Variants in CADM2 observed in about 807,000 individuals in gnomAD.
The protein encoded by CADM2 is cell adhesion molecule 2.
CADM2 carries 12 observed loss-of-function variants against 49.8 expected under a neutral mutation model. That is an observed-to-expected ratio of 0.24 (90% CI 0.15 to 0.39). The LOEUF (loss-of-function observed/expected upper bound fraction) is 0.39, where lower values mean the gene tolerates loss of function less well. Ranked by LOEUF, CADM2 falls within the 10% of genes least tolerant of loss-of-function variation. The probability of loss-of-function intolerance (pLI) is 1.00; values close to 1 mark genes in which losing one functional copy is unlikely to be tolerated. For synonymous variants in CADM2, 214 were observed against 175.4 expected (o/e 1.22, Z -1.74); for missense variants, 378 against 492.3 (o/e 0.77, Z 2.20).
intron 1 of CADM2, among the ~76,000 whole-genome samples, chr3:85,153,173 C>G (rs2039986093): frequency 6.6e-6 from 1 of 152,088 alleles, no homozygotes. Flanking sequence ...ATCAGAGGTA[C>G]CGGGTTCATC....
chr3:85,933,988 C>T (rs56760958), intron 6 of CADM2, among the ~76,000 whole-genome samples: 47,274 of 151,856 alleles, frequency 0.31, 8,594 homozygotes, highest in East Asian at 0.42. Flanking sequence ...AAAACATCCT[C>T]GCATTAACAC....
chr3:85,130,399 T>A (rs551139978), intron 1 of CADM2, among the ~76,000 whole-genome samples: 1 of 152,342 alleles, frequency 6.6e-6, no homozygotes, highest in East Asian at 1.9e-4. Context: ...ATGAATTGCC[T>A]AAGTCCAGGA....
chr3:86,043,761 T>C (rs6784724), intron 8 of CADM2, among the ~76,000 whole-genome samples: 30,411 of 152,122 alleles, frequency 0.2, 3,216 homozygotes, highest in East Asian at 0.27. Context: ...AAGTCAATCC[T>C]AAGCCAAAAG....
chr3:85,218,732 G>T (rs1387953291), intron 1 of CADM2, among the ~76,000 whole-genome samples: 1 of 152,132 alleles, frequency 6.6e-6, no homozygotes, highest in African/African-American at 2.4e-5. Context: ...GGAGGCAGAG[G>T]TTGCAGTGAG....
At chr3:85,152,123 G>C (rs1374348110) in intron 1 of CADM2, among the ~76,000 whole-genome samples, 1 of 151,934 alleles carries the variant, frequency 6.6e-6, no homozygotes, top group Non-Finnish European at 1.5e-5. Flanking sequence ...AGACTACCCA[G>C]GGACCATTTT....
chr3:84,998,659 A>G (rs1464370036), intron 1 of CADM2, among the ~76,000 whole-genome samples: 2 of 152,082 alleles, frequency 1.3e-5, no homozygotes, highest in Non-Finnish European at 2.9e-5. Flanking sequence ...ATTGTTCTGG[A>G]ACTCTGGATT....
At chr3:85,769,334 C>CACGTATAT (rs1392136874) in intron 2 of CADM2, among the ~76,000 whole-genome samples, 1 of 110,542 alleles carries the variant, frequency 9.0e-6, no homozygotes, top group Non-Finnish European at 1.6e-5. Context: ...AGTATATATA[C>CACGTATAT]ACGTATATAC....
intron 8 of CADM2, among the ~76,000 whole-genome samples, chr3:86,040,412 A>T (rs1424362971): frequency 2.6e-5 from 4 of 152,234 alleles, no homozygotes; most frequent in Non-Finnish European, 5.9e-5. Context: ...CTGAAAACCA[A>T]GGTATGAGAA....
chr3:85,750,460 T>C (rs772813461), intron 2 of CADM2, among the ~76,000 whole-genome samples: 25 of 152,124 alleles, frequency 1.6e-4, no homozygotes, highest in Non-Finnish European at 3.1e-4. Context: ...TTGTTCCTTG[T>C]CATATTGGAA....
intron 4 of CADM2, 145 bp from the exon 5 acceptor site, chr3:85,886,045 A>G: frequency 8.5e-7 from 1 of 1,175,370 alleles, no homozygotes; most frequent in Non-Finnish European, 1.2e-6. Flanking sequence ...CATATGAAGC[A>G]GTTTATTACA....
At chr3:85,782,655 C>CAA (rs1195824594) in intron 2 of CADM2, among the ~76,000 whole-genome samples, 1 of 89,606 alleles carries the variant, frequency 1.1e-5, no homozygotes, top group African/African-American at 4.1e-5. Flanking sequence ...GACTCAGTCT[C>CAA]AAAAAAAAAA....
At position 85,162,562 on chromosome 3, in the gene CADM2, C is replaced by G. The variant is rs1193594329; in HGVS notation, c.61+202894C>G. ...ATGGAAGTCAGCTGAAAGATGTCTACCATTAAAAAAAATAATATATGGTTG... is the reference window on the plus strand; with the variant it reads ...ATGGAAGTCAGCTGAAAGATGTCTAGCATTAAAAAAAATAATATATGGTTG... On this transcript the variant is annotated intron_variant, in intron 1 of 9. Coordinates refer to ENST00000383699, the MANE Select transcript of CADM2 (RefSeq NM_001167675.2). Among the ~76,000 whole-genome samples the G allele has an allele frequency of 2.6e-5, 4 of 151,598 alleles. No individual in the cohort carries two copies. The East Asian group carries it at 5.8e-4, about 22-fold the overall frequency.
intron 1 of CADM2, among the ~76,000 whole-genome samples, chr3:85,580,206 G>C (rs2062756009): frequency 6.6e-6 from 1 of 152,118 alleles, no homozygotes; most frequent in African/African-American, 2.4e-5. Context: ...TTACTACAAT[G>C]CTATCAACCT....
intron 1 of CADM2, among the ~76,000 whole-genome samples, chr3:85,199,564 T>C (rs1436167953): frequency 6.6e-6 from 1 of 151,926 alleles, no homozygotes; most frequent in African/African-American, 2.4e-5. Context: ...AGCCTAGCAT[T>C]GTACATGTTG....
intron 1 of CADM2, among the ~76,000 whole-genome samples, chr3:85,677,386 G>A (rs1459412184): frequency 1.3e-5 from 2 of 152,146 alleles, no homozygotes; most frequent in African/African-American, 4.8e-5. Flanking sequence ...AAGCAGGTGA[G>A]TGCAGAGAAA....
chr3:85,154,163 C>T lies in CADM2; in HGVS notation c.61+194495C>T, dbSNP rs138977816. ...TCCGAGCTACGGGAGGACATTCAAA[C>T]CAAAGGCAAAGAAGTTGAAAACTTT... On this transcript the variant is annotated intron_variant, in intron 1 of 9. Coordinates refer to ENST00000383699, the MANE Select transcript of CADM2 (RefSeq NM_001167675.2). Among the ~76,000 whole-genome samples the T allele has an allele frequency of 8.1e-3, 1,228 of 152,162 alleles. 18 individuals are homozygous for T. Among genetic ancestry groups the T allele is most frequent in the African/African-American group, 0.028 (1,169 of 41,502 alleles).
Position 85,634,907 on chromosome 3 carries a change from A to G in CADM2, c.62-91615A>G, listed in dbSNP as rs1484687733. On this transcript the variant is annotated intron_variant, in intron 1 of 9. Transcript: ENST00000383699. ...AAATTAATTTTTTTTAAATGTGTAT[A>G]TGTGCATACATGTATTTAACAATTC... Among the ~76,000 whole-genome samples the G allele has an allele frequency of 2.6e-5, 4 of 152,138 alleles. No homozygotes were observed. The South Asian group carries it at 6.2e-4, about 24-fold the overall frequency.
intron 8 of CADM2, among the ~76,000 whole-genome samples, chr3:86,064,388 C>T (rs144821326): frequency 0.034 from 5,198 of 152,142 alleles, 175 homozygotes; most frequent in African/African-American, 0.084. Flanking sequence ...ATGGACTCAT[C>T]CTTTTTTTAT....
chr3:85,692,322 T>G, intron 1 of CADM2, among the ~76,000 whole-genome samples: 1 of 152,146 alleles, frequency 6.6e-6, no homozygotes, highest in Non-Finnish European at 1.5e-5. Context: ...CTACAAGCCC[T>G]TATGCAGTGC....
Sources: gnomAD v4.1 joint callset for allele counts (sites outside exome capture counted in the v4.1 genomes callset) on GRCh38, gnomAD v4.1.1 for gene constraint, MANE v1.5 for transcripts, NCBI Gene and HGNC (gene_info 2026-07-23, HGNC 2026-07-21) for gene names.